SPDYA: variants seen among roughly 807,000 people sequenced by gnomAD.
The protein encoded by SPDYA is speedy protein A.
Under a neutral mutation model 36.7 loss-of-function variants are expected in SPDYA, and 11 were observed. The observed-to-expected ratio is 0.30, with a 90% CI of 0.19 to 0.50. The LOEUF (loss-of-function observed/expected upper bound fraction) is 0.50, where lower values mean the gene tolerates loss of function less well. SPDYA is among the 20% of genes least tolerant of loss of function. The pLI is 0.98. For synonymous variants in SPDYA, 115 were observed against 118.7 expected, an observed-to-expected ratio of 0.97 and a Z score of 0.20; for missense variants, 287 against 370.9, an observed-to-expected ratio of 0.77 and a Z score of 1.86.
At chr2:28,835,201 A>T (rs1031276107) in intron 6 of SPDYA, among the ~76,000 whole-genome samples, 2 of 150,934 alleles carry the variant, frequency 1.3e-5, no homozygotes, top group African/African-American at 2.4e-5. Flanking sequence ...TTCTGGGATT[A>T]CAGATGTGAG....
chr2:28,819,831 A>T, intron 4 of SPDYA, among the ~76,000 whole-genome samples: 1 of 46,844 alleles, frequency 2.1e-5, no homozygotes, highest in Non-Finnish European at 3.7e-5. Context: ...AAAAAAAAAA[A>T]AAAAAAAAAA....
At chr2:28,816,948 T>G (rs1470177703) in intron 3 of SPDYA, among the ~76,000 whole-genome samples, 1 of 151,936 alleles carries the variant, frequency 6.6e-6, no homozygotes, top group Non-Finnish European at 1.5e-5. Context: ...TTTGGAGTAA[T>G]GAATCAAGTC....
intron 4 of SPDYA, among the ~76,000 whole-genome samples, chr2:28,820,771 G>A (rs1387341675): frequency 1.3e-5 from 2 of 152,066 alleles, no homozygotes; most frequent in Non-Finnish European, 2.9e-5. Context: ...ATGAGTGGAA[G>A]GTTAGCTTGT....
intron 5 of SPDYA, among the ~76,000 whole-genome samples, chr2:28,823,416 A>T (rs1038277856): frequency 1.3e-5 from 2 of 151,896 alleles, no homozygotes; most frequent in African/African-American, 4.8e-5. Context: ...TGAGGTCAGG[A>T]GTTCGATACC....
chr2:28,823,773 TCTCA>T (rs1182705796), intron 5 of SPDYA, among the ~76,000 whole-genome samples: 1 of 114,352 alleles, frequency 8.7e-6, no homozygotes, highest in Non-Finnish European at 1.8e-5. Context: ...TGAGATGGAG[TCTCA>T]CTCTGTCACC....
intron 7 of SPDYA, among the ~76,000 whole-genome samples, chr2:28,845,771 C>T (rs1048717580): frequency 6.6e-6 from 1 of 152,138 alleles, no homozygotes; most frequent in Non-Finnish European, 1.5e-5. Context: ...TCTCGAACTC[C>T]TGACCTCAGG....
At chr2:28,842,128 C>CA (rs746360638) in intron 7 of SPDYA, 9 of 152,148 alleles carry the variant, frequency 5.9e-5, no homozygotes, top group Non-Finnish European at 1.0e-4. Context: ...TCTCTGACTC[C>CA]AAACTAGAGC....
chr2:28,844,731 C>T (rs572883527), intron 7 of SPDYA, among the ~76,000 whole-genome samples: 5 of 152,076 alleles, frequency 3.3e-5, no homozygotes, highest in Admixed American at 2.6e-4. Context: ...GTCAGGAGTT[C>T]GAGATCAGCC....
intron 4 of SPDYA, among the ~76,000 whole-genome samples, chr2:28,821,591 T>C (rs1380111875): frequency 6.6e-6 from 1 of 152,224 alleles, no homozygotes; most frequent in East Asian, 1.9e-4. Flanking sequence ...GAGTACTGTC[T>C]TAACACGATC....
chr2:28,840,107 T>C (rs1296257761), intron 6 of SPDYA, 65 bp from the exon 7 acceptor site: 3 of 1,440,570 alleles, frequency 2.1e-6, no homozygotes, highest in African/African-American at 1.4e-5. Context: ...GTTATAAGTT[T>C]TGAACTCAAT....
intron 7 of SPDYA, among the ~76,000 whole-genome samples, chr2:28,847,978 TA>T (rs1668924632): frequency 1.3e-5 from 2 of 152,162 alleles, no homozygotes; most frequent in Admixed American, 6.5e-5. Flanking sequence ...GGCTATACCA[TA>T]TAACCTAGGT....
Position 28,850,382 on chromosome 2 carries a change from A to G in SPDYA, c.*441A>G. 1.2e-6 allele frequency: 2 copies of G among 1,608,398 alleles called. No homozygotes were observed. The highest frequency in any genetic ancestry group is 2.2e-5 in the East Asian group (1 of 44,738). On this transcript the variant is annotated 3_prime_UTR_variant, in exon 8 of 8. Coordinates refer to ENST00000334056, the MANE Select transcript of SPDYA (RefSeq NM_182756.4). ...CTAGCAACATAGGGAAATGATCCAT[A>G]TGGAAAATCAGAATGCGATTCTTCT...
intron 5 of SPDYA, among the ~76,000 whole-genome samples, chr2:28,826,172 T>C (rs1450832749): frequency 6.6e-6 from 1 of 152,158 alleles, no homozygotes; most frequent in Non-Finnish European, 1.5e-5. Context: ...AGTCTTGCTC[T>C]GTCACCCAGG....
At chr2:28,842,477 T>C (rs1180682927) in intron 7 of SPDYA, among the ~76,000 whole-genome samples, 2 of 152,208 alleles carry the variant, frequency 1.3e-5, no homozygotes, top group Non-Finnish European at 2.9e-5. Context: ...CCAGTCAGTA[T>C]ACTTTGGAGA....
chr2:28,826,951 T>TTC (rs1425636466), intron 5 of SPDYA, among the ~76,000 whole-genome samples: 66 of 138,626 alleles, frequency 4.8e-4, no homozygotes, highest in Middle Eastern at 3.6e-3. Context: ...TTTTCTTTCT[T>TTC]TTTTTTTTTT....
chr2:28,820,632 A>G (rs1450956691), intron 4 of SPDYA, among the ~76,000 whole-genome samples: 4 of 152,090 alleles, frequency 2.6e-5, no homozygotes, highest in African/African-American at 4.8e-5. Flanking sequence ...GTATTTTTCA[A>G]TTTTTTTCTT....
chr2:28,815,976 T>C (rs746624520), intron 2 of SPDYA, 21 bp from the exon 3 acceptor site: 75 of 1,480,526 alleles, frequency 5.1e-5, no homozygotes, highest in Non-Finnish European at 6.9e-5. Context: ...TGATGAATAA[T>C]TGTATGTTTT....
intron 6 of SPDYA, among the ~76,000 whole-genome samples, chr2:28,837,845 T>C (rs185230936): frequency 6.6e-6 from 1 of 151,690 alleles, no homozygotes; most frequent in East Asian, 1.9e-4. Flanking sequence ...GCTGACTGGG[T>C]TGGTTTTGAC....
chr2:28,821,193 TTTTC>T (rs1228799801), intron 4 of SPDYA, among the ~76,000 whole-genome samples: 29 of 140,608 alleles, frequency 2.1e-4, no homozygotes, highest in Non-Finnish European at 2.9e-4. Flanking sequence ...TTTTTTTTCT[TTTTC>T]TTTTTTTTTT....
Sources: gnomAD v4.1 joint callset for allele counts (sites outside exome capture counted in the v4.1 genomes callset) on GRCh38, gnomAD v4.1.1 for gene constraint, MANE v1.5 for transcripts, NCBI Gene and HGNC (gene_info 2026-07-23, HGNC 2026-07-21) for gene names.